EPS8: variants seen among roughly 807,000 people sequenced by gnomAD.
The protein encoded by EPS8 is EGFR pathway substrate 8, signaling adaptor.
EPS8 carries 42 observed loss-of-function variants against 103.8 expected under a neutral mutation model. The observed-to-expected ratio is 0.40, with a 90% CI of 0.32 to 0.52. The LOEUF is 0.52. Among genes scored for constraint, EPS8 ranks in the 20% least tolerant of loss-of-function variants. The pLI, the probability that EPS8 is intolerant of heterozygous loss-of-function variation, is 0.40. For missense variants in EPS8, 969 were observed against 1,005.1 expected (o/e 0.96, Z 0.49); for synonymous variants, 344 against 344.6 (o/e 1.00, Z 0.02).
chr12:15,774,259 C>T (rs1218639798), intron 1 of EPS8, among the ~76,000 whole-genome samples: 1 of 151,856 alleles, frequency 6.6e-6, no homozygotes, highest in African/African-American at 2.4e-5. Context: ...TGCCTGTATG[C>T]TACACCTCTT....
At chr12:15,712,493 G>A (rs1228438418) in intron 1 of EPS8, among the ~76,000 whole-genome samples, 5 of 152,114 alleles carry the variant, frequency 3.3e-5, no homozygotes, top group East Asian at 3.9e-4. Flanking sequence ...TAAACATTTC[G>A]TATATTATGC....
At chr12:15,651,307 A>G (rs1336925419) in intron 13 of EPS8, among the ~76,000 whole-genome samples, 1 of 152,208 alleles carries the variant, frequency 6.6e-6, no homozygotes, top group Non-Finnish European at 1.5e-5. Flanking sequence ...TAGGTTTTTA[A>G]AAATTTGTGT....
intron 6 of EPS8, among the ~76,000 whole-genome samples, 168 bp downstream of exon 6, chr12:15,669,219 T>C (rs1288760804): frequency 6.6e-6 from 1 of 152,220 alleles, no homozygotes; most frequent in African/African-American, 2.4e-5. Context: ...CTTTATTTAC[T>C]TGCCATGGAA....
chr12:15,786,481 A>G (rs928815557), intron 1 of EPS8, among the ~76,000 whole-genome samples: 1 of 152,090 alleles, frequency 6.6e-6, no homozygotes, highest in African/African-American at 2.4e-5. Context: ...GAAAAAGGAC[A>G]TTAAAAACTA....
intron 3 of EPS8, among the ~76,000 whole-genome samples, 199 bp from the exon 4 acceptor site, chr12:15,671,122 C>T (rs1010250671): frequency 6.6e-6 from 1 of 152,018 alleles, no homozygotes; most frequent in Non-Finnish European, 1.5e-5. Context: ...AAATAATAGG[C>T]AAGAACAATT....
rs1264061401 is a variant in EPS8 at position 15,784,322 on chromosome 12, G to A, written c.-22+4839C>T. 6.6e-6 allele frequency among the ~76,000 whole-genome samples: 1 copy of A among 152,046 alleles called. No individual in the cohort carries two copies. The highest frequency in any genetic ancestry group is 1.5e-5 in the Non-Finnish European group (1 of 67,998). ...AAGAAAACAACCCCATTAAAAAGTG[G>A]GCAAATGATCTGAACAGCCATCACA... On this transcript the variant is annotated intron_variant, in intron 1 of 20. Transcript: ENST00000281172. This position sits in a 1 kb window ranked among gnomAD's most constrained non-coding sequence, Gnocchi z 4.0.
chr12:15,782,702 T>C (rs1387757554), intron 1 of EPS8, among the ~76,000 whole-genome samples: 1 of 152,120 alleles, frequency 6.6e-6, no homozygotes, highest in East Asian at 1.9e-4. Context: ...ACACACACGA[T>C]ACATAGTATC....
chr12:15,624,682 A>G (rs944413880), intron 18 of EPS8, among the ~76,000 whole-genome samples: 5 of 152,214 alleles, frequency 3.3e-5, no homozygotes, highest in Non-Finnish European at 7.3e-5. Flanking sequence ...CTGCACCTGC[A>G]CAGCTGAATA....
intron 17 of EPS8, among the ~76,000 whole-genome samples, chr12:15,638,106 A>G (rs528671593): frequency 6.6e-6 from 1 of 152,198 alleles, no homozygotes; most frequent in Admixed American, 6.5e-5. Flanking sequence ...TCTTCCTTAG[A>G]TATTTTAGAT....
At chr12:15,753,742 A>G (rs918425797) in intron 1 of EPS8, among the ~76,000 whole-genome samples, 1 of 152,172 alleles carries the variant, frequency 6.6e-6, no homozygotes, top group African/African-American at 2.4e-5. Flanking sequence ...TTCCTCTCTC[A>G]TGCTCACTCC....
intron 8 of EPS8, 149 bp from the exon 9 acceptor site, chr12:15,662,248 G>C: frequency 6.8e-7 from 1 of 1,465,520 alleles, no homozygotes; most frequent in Non-Finnish European, 9.0e-7. Flanking sequence ...GTGCTCATCA[G>C]CCATGAAATG....
intron 14 of EPS8, among the ~76,000 whole-genome samples, chr12:15,650,436 T>C (rs778655332): frequency 2.5e-4 from 38 of 152,238 alleles, no homozygotes; most frequent in Middle Eastern, 3.4e-3. Context: ...GGAACTGTCT[T>C]GAGGGCCTGA....
chr12:15,620,994 A>G lies in EPS8; in HGVS notation c.*323T>C. ...ACAACATTGTTGCTTTGTTGCAGTG[A>G]ATAACTCCACCACTATCAAAACAAT... is the stretch of plus-strand genomic sequence containing the variant. On this transcript the variant is annotated 3_prime_UTR_variant, in exon 21 of 21. Coordinates refer to ENST00000281172, the MANE Select transcript of EPS8 (RefSeq NM_004447.6). The G allele has an allele frequency of 4.6e-6, 1 of 218,230 alleles. No homozygotes were observed. Among genetic ancestry groups the G allele is most frequent in the Middle Eastern group, 1.7e-3 (1 of 596 alleles). The allele number at this position is 218,230 out of a possible 1,614,324, so 13.5% of individuals were successfully genotyped here.
Position 15,780,786 on chromosome 12 carries a change from G to A in EPS8, c.-22+8375C>T, listed in dbSNP as rs560264621. 1 of 152,250 alleles carries A rather than the reference G, an allele frequency of 6.6e-6. No homozygotes were observed. The highest frequency in any genetic ancestry group is 2.4e-5 in the African/African-American group (1 of 41,540). The allele number at this position is 152,250 out of a possible 1,614,324, so 9.4% of individuals were successfully genotyped here. A position where few individuals can be genotyped will look rare whatever the true frequency, so the allele number is the denominator to read the frequency against. On this transcript the variant is annotated intron_variant, in intron 1 of 20. Transcript: ENST00000281172. The surrounding 1 kb of genome is among the most constrained non-coding windows in gnomAD (Gnocchi z 4.1). ...CTTTGTATTCCTGGTGTCTGGCACA[G>A]AACAGATACTCAACAAACACTCGAT...
chr12:15,663,948 A>AATATATATAT (rs58743830), intron 8 of EPS8, among the ~76,000 whole-genome samples: 2 of 49,412 alleles, frequency 4.0e-5, no homozygotes, highest in African/African-American at 1.2e-4. Context: ...AAAAAAAAAT[A>AATATATATAT]ATATATATAT....
chr12:15,725,309 TC>T lies in EPS8; in HGVS notation c.-21-42338del, dbSNP rs910969239. Among the ~76,000 whole-genome samples the T allele has an allele frequency of 3.1e-4, 47 of 151,896 alleles. No homozygotes were observed. Among genetic ancestry groups the T allele is most frequent in the Non-Finnish European group, 8.8e-5 (6 of 67,954 alleles). On this transcript the variant is annotated intron_variant, in intron 1 of 20. Coordinates refer to ENST00000281172, the MANE Select transcript of EPS8 (RefSeq NM_004447.6). The surrounding 1 kb of genome is among the most constrained non-coding windows in gnomAD (Gnocchi z 4.5). ...CACCTGAAATCACCCTCAAGAGATC[TC>T]CGGAAAAGTCATGTAGCTGGTTGCA...
intron 15 of EPS8, among the ~76,000 whole-genome samples, chr12:15,644,460 C>T (rs888920614): frequency 7.9e-5 from 12 of 151,842 alleles, no homozygotes; most frequent in African/African-American, 1.5e-4. Flanking sequence ...TTTGGGAGGC[C>T]GAAGCGGGCA....
chr12:15,622,097 T>C (rs1176329510), intron 20 of EPS8, among the ~76,000 whole-genome samples: 2 of 152,058 alleles, frequency 1.3e-5, no homozygotes, highest in Non-Finnish European at 2.9e-5. Flanking sequence ...TGACAGCAAA[T>C]GACAATAATG....
chr12:15,720,573 C>T (rs150067421), intron 1 of EPS8, among the ~76,000 whole-genome samples: 4 of 152,272 alleles, frequency 2.6e-5, no homozygotes, highest in Non-Finnish European at 4.4e-5. Context: ...AATAATCATA[C>T]ACTTAGTGAT....
Sources: allele counts gnomAD v4.1 joint callset (sites outside exome capture counted in the v4.1 genomes callset), GRCh38; gene constraint gnomAD v4.1.1; non-coding constraint Gnocchi (gnomAD v3.1); transcripts MANE v1.5; gene names NCBI Gene and HGNC (gene_info 2026-07-23, HGNC 2026-07-21).